Variants in C12orf42 observed in about 807,000 individuals in gnomAD.
C12orf42 encodes the protein uncharacterized protein C12orf42.
C12orf42 carries 25 observed loss-of-function variants against 21.6 expected under a neutral mutation model. The ratio of observed to expected loss-of-function variants is 1.16; its 90% confidence interval spans 0.84 to 1.62. The LOEUF (loss-of-function observed/expected upper bound fraction) is 1.62. Ranked by LOEUF, C12orf42 falls within the 40% of genes most tolerant of loss-of-function variation. C12orf42 has a pLI of 0.00. For synonymous variants in C12orf42, 174 were observed against 175.0 expected (o/e 0.99, Z 0.05); for missense variants, 483 against 459.3 (o/e 1.05, Z -0.47).
chr12:103,345,987 T>C (rs1165647370), intron 4 of C12orf42, among the ~76,000 whole-genome samples: 2 of 152,228 alleles, frequency 1.3e-5, no homozygotes, highest in East Asian at 3.8e-4. Flanking sequence ...TTTGTCAAGT[T>C]ATGGAAATTG....
At chr12:103,092,232 GTTGT>G in the C12orf42 span, among the ~76,000 whole-genome samples, 1 of 152,200 alleles carries the variant, frequency 6.6e-6, no homozygotes, top group African/African-American at 2.4e-5. Flanking sequence ...AAGTAAACGA[GTTGT>G]TTGTTTATCA....
the C12orf42 span, among the ~76,000 whole-genome samples, chr12:103,063,950 G>T: frequency 3.9e-5 from 6 of 152,076 alleles, no homozygotes; most frequent in Non-Finnish European, 7.4e-5. Flanking sequence ...AGCTCAGGGA[G>T]TTAAAAAGGT....
chr12:103,304,593 C>T (rs556336491), intron 5 of C12orf42, among the ~76,000 whole-genome samples: 2 of 152,258 alleles, frequency 1.3e-5, no homozygotes, highest in South Asian at 4.1e-4. Context: ...GAACCTGGAT[C>T]TAGAAATACT....
the C12orf42 span, among the ~76,000 whole-genome samples, chr12:103,560,568 T>C: frequency 6.6e-6 from 1 of 152,244 alleles, no homozygotes; most frequent in African/African-American, 2.4e-5. Context: ...TACATTTTAC[T>C]GGTACAAGGA....
chr12:103,106,175 T>C, the C12orf42 span, among the ~76,000 whole-genome samples: 2 of 152,128 alleles, frequency 1.3e-5, no homozygotes, highest in South Asian at 4.1e-4. Flanking sequence ...GCAACAAAAA[T>C]AGAAGTCAGA....
intron 3 of C12orf42, among the ~76,000 whole-genome samples, chr12:103,399,942 G>A (rs546230737): frequency 1.5e-4 from 23 of 152,040 alleles, no homozygotes; most frequent in African/African-American, 3.9e-4. Flanking sequence ...AACATCTGAC[G>A]TACAGTGCAT....
At chr12:103,369,045 G>A in intron 3 of C12orf42, 47 bp from the exon 4 acceptor site, 2 of 1,001,944 alleles carry the variant, frequency 2.0e-6, no homozygotes, top group South Asian at 1.5e-5. Flanking sequence ...TAGGTCAATG[G>A]CTCCAGAATA....
chr12:103,195,255 A>G, the C12orf42 span, among the ~76,000 whole-genome samples: 1 of 152,158 alleles, frequency 6.6e-6, no homozygotes, highest in East Asian at 1.9e-4. Context: ...TGATGAATAT[A>G]CACATGCATG....
chr12:103,145,978 AAGAG>A, the C12orf42 span, among the ~76,000 whole-genome samples: 2 of 151,846 alleles, frequency 1.3e-5, no homozygotes, highest in Non-Finnish European at 2.9e-5. Flanking sequence ...GAAAGAGAGA[AAGAG>A]AGAGAGGGAG....
chr12:103,498,780 G>A (rs1277293229), upstream of C12orf42, among the ~76,000 whole-genome samples: 2 of 141,114 alleles, frequency 1.4e-5, no homozygotes, highest in African/African-American at 5.3e-5. Context: ...ACAGAAAACA[G>A]AAACACTGCA....
At chr12:103,054,245 C>A in the C12orf42 span, among the ~76,000 whole-genome samples, 4 of 151,678 alleles carry the variant, frequency 2.6e-5, no homozygotes, top group Admixed American at 2.6e-4. Context: ...TTTAGATTTT[C>A]TTTGATTTCT....
At chr12:103,241,895 G>T (rs544938046) in intron 10 of C12orf42, among the ~76,000 whole-genome samples, 1 of 152,234 alleles carries the variant, frequency 6.6e-6, no homozygotes, top group African/African-American at 2.4e-5. Flanking sequence ...TTCAAAGAAT[G>T]ATTTTAAAAT....
At chr12:103,129,904 T>A in the C12orf42 span, among the ~76,000 whole-genome samples, 13 of 152,320 alleles carry the variant, frequency 8.5e-5, no homozygotes, top group Admixed American at 7.2e-4. Context: ...CTGTCTTCCA[T>A]ATGTGTGTAG....
At chr12:103,243,146 CCTGA>C (rs2033835592) in intron 10 of C12orf42, among the ~76,000 whole-genome samples, 1 of 152,032 alleles carries the variant, frequency 6.6e-6, no homozygotes, top group African/African-American at 2.4e-5. Context: ...ACCTCAGCCT[CCTGA>C]GTAGCTGGGA....
chr12:103,164,291 A>G, the C12orf42 span: 1 of 397,162 alleles, frequency 2.5e-6, no homozygotes, highest in South Asian at 1.9e-5. Flanking sequence ...AACTTTCAGT[A>G]GTCACTTCTT....
At chr12:103,168,650 T>A in the C12orf42 span, among the ~76,000 whole-genome samples, 2 of 152,094 alleles carry the variant, frequency 1.3e-5, no homozygotes, top group African/African-American at 4.8e-5. Context: ...CGTTTAAAAA[T>A]CAGAACTGGG....
the C12orf42 span, among the ~76,000 whole-genome samples, chr12:103,059,866 C>G: frequency 5.5e-4 from 83 of 152,218 alleles, no homozygotes; most frequent in African/African-American, 1.9e-3. Context: ...AAACCCATAG[C>G]CAATGTCATA....
chr12:103,174,487 G>C, the C12orf42 span, among the ~76,000 whole-genome samples: 1 of 152,168 alleles, frequency 6.6e-6, no homozygotes, highest in Non-Finnish European at 1.5e-5. Flanking sequence ...TCACTTTACA[G>C]ATGAGGAAGT....
chr12:103,426,233 C>T (rs1052968109), intron 2 of C12orf42, among the ~76,000 whole-genome samples: 3 of 152,116 alleles, frequency 2.0e-5, no homozygotes, highest in Non-Finnish European at 4.4e-5. Context: ...AAAGGAATTG[C>T]TAACTAGAAA....
Sources: allele counts gnomAD v4.1 joint callset (sites outside exome capture counted in the v4.1 genomes callset), GRCh38; gene constraint gnomAD v4.1.1; transcripts MANE v1.5; gene names NCBI Gene and HGNC (gene_info 2026-07-23, HGNC 2026-07-21).